Variants in OSBPL10 observed in about 807,000 individuals in gnomAD.
OSBPL10 encodes the protein oxysterol-binding protein-related protein 10.
A neutral mutation model predicts 81.7 loss-of-function variants in OSBPL10; 49 were observed. That is an observed-to-expected ratio of 0.60 (90% CI 0.48 to 0.76). The LOEUF (loss-of-function observed/expected upper bound fraction) is 0.76. Ranked by LOEUF, OSBPL10 falls within the 30% of genes least tolerant of loss-of-function variation. The probability of loss-of-function intolerance (pLI) is 0.00; values close to 1 mark genes in which losing one functional copy is unlikely to be tolerated. For missense variants in OSBPL10, 923 were observed against 987.8 expected (o/e 0.93, Z 0.88); for synonymous variants, 419 against 383.6 (o/e 1.09, Z -1.08).
chr3:32,075,618 T>G (rs146944622), intron 1 of OSBPL10, among the ~76,000 whole-genome samples: 5 of 152,282 alleles, frequency 3.3e-5, no homozygotes, highest in Non-Finnish European at 7.3e-5. Flanking sequence ...AGTTGAATCT[T>G]TCCCACTGTA....
At chr3:31,800,808 TAA>T (rs1202845651) in intron 4 of OSBPL10, among the ~76,000 whole-genome samples, 2 of 152,228 alleles carry the variant, frequency 1.3e-5, no homozygotes, top group Non-Finnish European at 2.9e-5. Context: ...AGAAATTATA[TAA>T]GTCTATCAGA....
At chr3:32,055,539 T>C (rs908764448) in intron 1 of OSBPL10, among the ~76,000 whole-genome samples, 1 of 152,196 alleles carries the variant, frequency 6.6e-6, no homozygotes, top group Non-Finnish European at 1.5e-5. Flanking sequence ...AAACTTGGAT[T>C]ATATTTCTCT....
At chr3:31,858,942 T>C (rs1175433785) in intron 3 of OSBPL10, among the ~76,000 whole-genome samples, 1 of 152,190 alleles carries the variant, frequency 6.6e-6, no homozygotes, top group Non-Finnish European at 1.5e-5. Flanking sequence ...TCAACAGAAA[T>C]GTTGTAGCAG....
At chr3:31,760,163 G>A (rs1403687464) in intron 4 of OSBPL10, among the ~76,000 whole-genome samples, 1 of 152,172 alleles carries the variant, frequency 6.6e-6, no homozygotes, top group African/African-American at 2.4e-5. Flanking sequence ...TCTTCACATT[G>A]AGTAGGCTGA....
intron 6 of OSBPL10, chr3:31,703,971 GA>G (rs2125596628): frequency 6.6e-6 from 1 of 152,276 alleles, no homozygotes; most frequent in South Asian, 2.1e-4. Context: ...GGAAGAGCCA[GA>G]GAGGGAAGTC....
At chr3:31,673,888 G>T (rs1210293530) in intron 8 of OSBPL10, among the ~76,000 whole-genome samples, 1 of 151,764 alleles carries the variant, frequency 6.6e-6, no homozygotes, top group African/African-American at 2.4e-5. Context: ...TGACCTCCTG[G>T]ACTCAAGCAA....
At chr3:31,845,317 G>C (rs146219159) in intron 3 of OSBPL10, among the ~76,000 whole-genome samples, 1 of 152,124 alleles carries the variant, frequency 6.6e-6, no homozygotes, top group African/African-American at 2.4e-5. Context: ...TTTCTTCTTC[G>C]TGTAGGCAGA....
At chr3:32,037,503 CA>C (rs1404921651) in intron 2 of OSBPL10, 1 of 189,202 alleles carries the variant, frequency 5.3e-6, no homozygotes, top group Non-Finnish European at 1.1e-5. Flanking sequence ...TTTTTTTTTT[CA>C]ATTTTTTTAA....
Position 31,990,782 on chromosome 3 carries a change from G to A in OSBPL10, n.298+55709C>T, listed in dbSNP as rs56045544. The A allele has an allele frequency of 1.9e-6, 3 of 1,612,890 alleles. No homozygotes were observed. The highest frequency in any genetic ancestry group is 2.5e-6 in the Non-Finnish European group (3 of 1,179,370). ...CATACTGGAGAGAAACCTTACAAAT[G>A]TGATGATTTTGACGAGGCCTTCAGT... On this transcript the variant is annotated intron_variant and non_coding_transcript_variant, in intron 2 of 3. Transcript: ENST00000479173.
At chr3:31,959,020 G>A (rs1698085188) in intron 1 of OSBPL10, among the ~76,000 whole-genome samples, 1 of 152,046 alleles carries the variant, frequency 6.6e-6, no homozygotes, top group Non-Finnish European at 1.5e-5. Context: ...AAGGGTCAGG[G>A]CCCTAGAAGA....
intron 5 of OSBPL10, among the ~76,000 whole-genome samples, chr3:31,743,319 G>A (rs1379088802): frequency 1.3e-5 from 2 of 152,118 alleles, no homozygotes; most frequent in Admixed American, 6.5e-5. Context: ...GATTACAGGT[G>A]TGAGCCACCA....
chr3:31,884,350 C>T (rs977688556), intron 1 of OSBPL10, among the ~76,000 whole-genome samples: 1 of 152,214 alleles, frequency 6.6e-6, no homozygotes, highest in African/African-American at 2.4e-5. Context: ...ATTTACTCCT[C>T]TTCTAAAGAC....
At chr3:31,812,791 AAAGAAAGAAAG>A (rs1699733281) in intron 4 of OSBPL10, among the ~76,000 whole-genome samples, 1 of 53,180 alleles carries the variant, frequency 1.9e-5, no homozygotes, top group Non-Finnish European at 3.5e-5. Context: ...AGAAAGAAAG[AAAGAAAGAAAG>A]AAAGAAAGAA....
At chr3:31,713,294 G>A (rs776322324) in intron 6 of OSBPL10, among the ~76,000 whole-genome samples, 2 of 152,074 alleles carry the variant, frequency 1.3e-5, no homozygotes, top group African/African-American at 4.8e-5. Flanking sequence ...CTTGGAACAC[G>A]CAAAGGACAG....
chr3:31,707,967 T>G (rs959341329), intron 6 of OSBPL10, among the ~76,000 whole-genome samples: 1 of 151,998 alleles, frequency 6.6e-6, no homozygotes, highest in Non-Finnish European at 1.5e-5. Context: ...AGTAGGCAAG[T>G]AGAAGACAAA....
intron 2 of OSBPL10, among the ~76,000 whole-genome samples, chr3:32,026,292 A>G (rs754858819): frequency 1.3e-5 from 2 of 152,092 alleles, no homozygotes; most frequent in Non-Finnish European, 2.9e-5. Flanking sequence ...ATGAGCCACC[A>G]TGCCCAGCTA....
intron 5 of OSBPL10, among the ~76,000 whole-genome samples, chr3:31,742,885 G>A (rs1005249054): frequency 6.6e-6 from 1 of 152,076 alleles, no homozygotes; most frequent in Non-Finnish European, 1.5e-5. Flanking sequence ...GCACGGGGAA[G>A]GCACACATCT....
chr3:31,821,634 G>T (rs551689166), intron 4 of OSBPL10, among the ~76,000 whole-genome samples: 1 of 152,078 alleles, frequency 6.6e-6, no homozygotes, highest in Non-Finnish European at 1.5e-5. Flanking sequence ...TTCAGAGATG[G>T]CAAATTGCTA....
At chr3:31,897,623 C>A (rs1400077650) in intron 1 of OSBPL10, among the ~76,000 whole-genome samples, 6 of 152,050 alleles carry the variant, frequency 3.9e-5, no homozygotes, top group African/African-American at 1.4e-4. Flanking sequence ...AAAGAAAAAT[C>A]TAAAAGCTAC....
Sources: gnomAD v4.1 joint callset for allele counts (sites outside exome capture counted in the v4.1 genomes callset) on GRCh38, gnomAD v4.1.1 for gene constraint, MANE v1.5 for transcripts, NCBI Gene and HGNC (gene_info 2026-07-23, HGNC 2026-07-21) for gene names.